Variants in GLRX observed in about 807,000 individuals in gnomAD.
GLRX encodes the protein glutaredoxin-1.
A neutral mutation model predicts 11.1 loss-of-function variants in GLRX; 9 were observed. The ratio of observed to expected loss-of-function variants is 0.81; its 90% CI spans 0.49 to 1.42. The LOEUF (loss-of-function observed/expected upper bound fraction) is 1.42, where lower values mean the gene tolerates loss of function less well. Among genes scored for constraint, GLRX ranks in the 40% most tolerant of loss-of-function variants. The pLI is 0.00. For missense variants in GLRX, 102 were observed against 126.2 expected (o/e 0.81, Z 0.92); for synonymous variants, 49 against 49.5 (o/e 0.99, Z 0.04).
chr5:95,816,098 C>A, intron 2 of GLRX, among the ~76,000 whole-genome samples: 1 of 152,146 alleles, frequency 6.6e-6, no homozygotes, highest in East Asian at 1.9e-4. Context: ...TCAGCTCAAC[C>A]CTTCCTGAGA....
chr5:95,819,121 AC>A (rs1747119395), intron 1 of GLRX: 2 of 151,786 alleles, frequency 1.3e-5, no homozygotes, highest in East Asian at 3.9e-4. Context: ...CTCCCAACAT[AC>A]TGTTTTATTA....
chr5:95,819,959 T>G (rs1016885815), intron 1 of GLRX, among the ~76,000 whole-genome samples: 1 of 144,114 alleles, frequency 6.9e-6, no homozygotes, highest in East Asian at 2.1e-4. Context: ...ATACAAACAC[T>G]TCCCTGTTGG....
intron 1 of GLRX, chr5:95,817,119 A>G (rs11135435): frequency 0.057 from 8,830 of 156,042 alleles, 851 homozygotes; most frequent in African/African-American, 0.2. Flanking sequence ...TGTGTTGTTA[A>G]AACACAGGTG....
In GLRX at chr5:95,822,331, C is replaced by G; in HGVS notation, c.207+125G>C. The G allele has an allele frequency of 1.8e-5, 12 of 680,590 alleles. No individual in the cohort carries two copies. In the South Asian group the frequency reaches 1.8e-4, roughly 10 times the overall value. The allele number at this position is 680,590 out of a possible 1,614,324, so 42.2% of individuals were successfully genotyped here. ...CTAAGGCGCCCTCCCCCACACCCCCCGCCCCGCACAGCCCTCTGGACGCCT... is the reference window on the plus strand; with the variant it reads ...CTAAGGCGCCCTCCCCCACACCCCCGGCCCCGCACAGCCCTCTGGACGCCT... On this transcript the variant is annotated intron_variant, in intron 1 of 2. Transcript: ENST00000237858.
intron 1 of GLRX, chr5:95,817,215 G>C (rs1231939455): frequency 2.0e-5 from 3 of 152,942 alleles, no homozygotes; most frequent in African/African-American, 7.2e-5. Context: ...AGGAGTTCAA[G>C]ACTAGCCTAG....
At position 95,816,541 on chromosome 5, in the gene GLRX, C is replaced by T. The variant is rs758339163; in HGVS notation, c.293G>A (p.Arg98Gln). 35 of 1,602,158 alleles carry T rather than the reference C, an allele frequency of 2.2e-5. No individual in the cohort carries two copies. The South Asian group carries it at 2.2e-4, about 10-fold the overall frequency. ...SLQQSGELLT[R>Q]LKQIGALQ ...CTGCAGAGCTCCAATCTGCTTTAGCCGCGTCAGCAGTTCCCCACTCTGTTG... is the reference window on the plus strand; with the variant it reads ...CTGCAGAGCTCCAATCTGCTTTAGCTGCGTCAGCAGTTCCCCACTCTGTTG... Residue 98 changes from arginine to glutamine, a missense_variant, in exon 2 of 3, where the codon CGG becomes CAG. Arg to Gln is a conservative substitution (Grantham distance 43). Transcript: ENST00000237858.
intron 2 of GLRX, among the ~76,000 whole-genome samples, chr5:95,815,439 T>C (rs1746956283): frequency 6.6e-6 from 1 of 152,254 alleles, no homozygotes; most frequent in Admixed American, 6.5e-5. Flanking sequence ...TTCCCCCTTC[T>C]GTTGCTATGC....
intron 1 of GLRX, 126 bp downstream of exon 1, chr5:95,822,330 C>G (rs1241421676): frequency 4.9e-5 from 33 of 675,688 alleles, no homozygotes; most frequent in Non-Finnish European, 5.1e-5. Context: ...CCCACACCCC[C>G]CGCCCCGCAC....
At chr5:95,816,793 A>AT in intron 1 of GLRX, 167 bp from the exon 2 acceptor site, 1 of 523,638 alleles carries the variant, frequency 1.9e-6, no homozygotes, top group South Asian at 2.3e-5. Context: ...AAGGGGTAAC[A>AT]TTATTAACTC....
intron 2 of GLRX, among the ~76,000 whole-genome samples, chr5:95,816,189 G>A (rs1262845288): frequency 6.6e-6 from 1 of 152,032 alleles, no homozygotes; most frequent in Non-Finnish European, 1.5e-5. Context: ...TCTATTTCAG[G>A]ATTTGCTTGT....
Position 95,814,187 on chromosome 5 carries a change from G to A in GLRX, c.*209C>T, listed in dbSNP as rs1385906647. On this transcript the variant is annotated 3_prime_UTR_variant, in exon 3 of 3. Coordinates refer to ENST00000237858, the MANE Select transcript of GLRX (RefSeq NM_001118890.2). ...TTTTACATTTCATGCTTTAATCTTT[G>A]CTGGTAGTCTAAATAAAATAAATAC... is the stretch of plus-strand genomic sequence containing the variant. 3 of 152,568 alleles carry A rather than the reference G, an allele frequency of 2.0e-5. No homozygotes were observed. Among genetic ancestry groups the A allele is most frequent in the Non-Finnish European group, 4.4e-5 (3 of 68,026 alleles). The allele number at this position is 152,568 out of a possible 1,614,324, so 9.5% of individuals were successfully genotyped here. A position where few individuals can be genotyped will look rare whatever the true frequency, so the allele number is the denominator to read the frequency against.
chr5:95,816,449 G>T lies in GLRX; in HGVS notation c.*6+58C>A. 3 of 856,616 alleles carry T rather than the reference G, an allele frequency of 3.5e-6. No homozygotes were observed. In the South Asian group the frequency reaches 4.0e-5, roughly 11 times the overall value. The allele number at this position is 856,616 out of a possible 1,614,324, so 53.1% of individuals were successfully genotyped here. A position where few individuals can be genotyped will look rare whatever the true frequency, so the allele number is the denominator to read the frequency against. The stretch of plus-strand genomic sequence containing the variant: ...GCTGTCATACAGTATAACAAACCAC[G>T]ACAGAAGAATTCCACGGTCTCCCAT... On this transcript the variant is annotated intron_variant, in intron 2 of 2. Coordinates refer to ENST00000237858, the MANE Select transcript of GLRX (RefSeq NM_001118890.2).
rs111319066 is a variant in GLRX, at chr5:95,816,509, G to C, written c.*4C>G. ...CCAGCACCTCACCTGCCACTCACCT[G>C]TGGTTACTGCAGAGCTCCAATCTGC... On this transcript the variant is annotated splice_region_variant and 3_prime_UTR_variant, in exon 2 of 3. Coordinates refer to ENST00000237858, the MANE Select transcript of GLRX (RefSeq NM_001118890.2). 1.4e-6 allele frequency: 2 copies of C among 1,480,536 alleles called. No homozygotes were observed. Among genetic ancestry groups the C allele is most frequent in the African/African-American group, 2.8e-5 (2 of 72,428 alleles). 91.7% of individuals were successfully genotyped at this position (1,480,536 alleles called of 1,614,324 possible).
chr5:95,816,339 T>C, intron 2 of GLRX, 168 bp downstream of exon 2: 1 of 554,990 alleles, frequency 1.8e-6, no homozygotes, highest in East Asian at 3.0e-5. Flanking sequence ...ATTGACACGA[T>C]CTCTTTGTAA....
intron 1 of GLRX, 126 bp downstream of exon 1, chr5:95,822,330 C>A (rs1241421676): frequency 4.4e-6 from 3 of 675,804 alleles, no homozygotes; most frequent in African/African-American, 1.8e-5. Context: ...CCCACACCCC[C>A]CGCCCCGCAC....
intron 1 of GLRX, among the ~76,000 whole-genome samples, chr5:95,822,051 A>T (rs1747257456): frequency 6.6e-6 from 1 of 152,174 alleles, no homozygotes; most frequent in South Asian, 2.1e-4. Context: ...GAAGAACATG[A>T]ATCTCATGTT....
chr5:95,818,058 T>A (rs1393774838), intron 1 of GLRX: 1 of 152,228 alleles, frequency 6.6e-6, no homozygotes, highest in East Asian at 1.9e-4. Flanking sequence ...TCTCACAGGA[T>A]AACTGAGGCT....
intron 1 of GLRX, among the ~76,000 whole-genome samples, chr5:95,820,854 C>T (rs1320765306): frequency 6.6e-6 from 1 of 151,060 alleles, no homozygotes; most frequent in Non-Finnish European, 1.5e-5. Flanking sequence ...GGTGGCTCAC[C>T]CGTTTAATCC....
intron 1 of GLRX, among the ~76,000 whole-genome samples, chr5:95,819,753 G>A (rs1377991346): frequency 6.6e-6 from 1 of 152,052 alleles, no homozygotes; most frequent in East Asian, 1.9e-4. Flanking sequence ...CAAAAAATTA[G>A]CCAGGCATGG....
Sources: allele counts gnomAD v4.1 joint callset (sites outside exome capture counted in the v4.1 genomes callset), GRCh38; gene constraint gnomAD v4.1.1; transcripts MANE v1.5; gene names NCBI Gene and HGNC (gene_info 2026-07-23, HGNC 2026-07-21).